The following SCRN1 variants were observed in gnomAD, a reference collection of about 807,000 sequenced individuals.
The protein encoded by SCRN1 is secernin-1.
In SCRN1, 19 loss-of-function variants were observed where a neutral mutation model predicts 43.3. The observed-to-expected ratio is 0.44, with a 90% CI of 0.31 to 0.64. SCRN1 has a LOEUF of 0.64. Among genes scored for constraint, SCRN1 ranks in the 30% least tolerant of loss-of-function variants. SCRN1 has a pLI of 0.09. For missense variants in SCRN1, 447 were observed against 524.1 expected (o/e 0.85, Z 1.44); for synonymous variants, 183 against 188.9 (o/e 0.97, Z 0.26).
chr7:29,981,715 C>A (rs1253679495), intron 1 of SCRN1, among the ~76,000 whole-genome samples: 5 of 152,194 alleles, frequency 3.3e-5, no homozygotes, highest in Non-Finnish European at 7.4e-5. Flanking sequence ...ACACTGGGAG[C>A]TTCTGAGGAA....
chr7:29,963,369 T>C (rs1788392226), intron 2 of SCRN1, among the ~76,000 whole-genome samples: 1 of 151,976 alleles, frequency 6.6e-6, no homozygotes, highest in South Asian at 2.1e-4. Context: ...TGTTGAGGCC[T>C]GGAAGGATAA....
At chr7:29,990,264 A>C, upstream of SCRN1, 1 of 1,551,468 alleles carries the variant, frequency 6.4e-7, no homozygotes, top group Non-Finnish European at 8.7e-7. Context: ...ACCCTGTCCC[A>C]GGTACTTGGA....
At position 29,923,748 on chromosome 7, in the gene SCRN1, TG is replaced by T; in HGVS notation, c.*208del. On this transcript the variant is annotated 3_prime_UTR_variant, in exon 8 of 8. Coordinates refer to ENST00000242059, the MANE Select transcript of SCRN1 (RefSeq NM_014766.5). Reference sequence around the variant, plus strand: ...ACCGAACAACAGGCAACGGGATACATGTTACACTGCACAGGAAGGAGACCTA... The same window carrying T: ...ACCGAACAACAGGCAACGGGATACATTTACACTGCACAGGAAGGAGACCTA... 1 of 572,644 alleles carries T rather than the reference TG, an allele frequency of 1.7e-6. No individual in the cohort carries two copies. Among genetic ancestry groups the T allele is most frequent in the South Asian group, 2.2e-5 (1 of 44,700 alleles). The allele number at this position is 572,644 out of a possible 1,614,324, so 35.5% of individuals were successfully genotyped here.
At chr7:29,938,240 A>G (rs1198534428) in intron 5 of SCRN1, among the ~76,000 whole-genome samples, 1 of 152,154 alleles carries the variant, frequency 6.6e-6, no homozygotes, top group African/African-American at 2.4e-5. Flanking sequence ...CATGTTGCCC[A>G]GGCTGCTCTT....
intron 1 of SCRN1, among the ~76,000 whole-genome samples, chr7:29,981,578 TC>T: frequency 6.6e-6 from 1 of 152,308 alleles, no homozygotes; most frequent in Middle Eastern, 3.4e-3. Context: ...TCAAGCTCCT[TC>T]TCCCAGCTTC....
At chr7:29,959,228 C>A (rs900503998) in intron 2 of SCRN1, among the ~76,000 whole-genome samples, 1 of 152,160 alleles carries the variant, frequency 6.6e-6, no homozygotes, top group Non-Finnish European at 1.5e-5. Context: ...GAACACAACC[C>A]TGGCACCACC....
At chr7:29,978,285 G>A (rs1788891832) in intron 1 of SCRN1, among the ~76,000 whole-genome samples, 1 of 152,120 alleles carries the variant, frequency 6.6e-6, no homozygotes, top group Admixed American at 6.5e-5. Context: ...ATTTCCTATG[G>A]ACACTCAAAT....
At chr7:29,977,533 A>G (rs1211080033) in intron 1 of SCRN1, among the ~76,000 whole-genome samples, 1 of 152,250 alleles carries the variant, frequency 6.6e-6, no homozygotes, top group Non-Finnish European at 1.5e-5. Context: ...AAAGTCATCT[A>G]TATAAATTAG....
chr7:29,927,775 G>C (rs1274000947), intron 6 of SCRN1, among the ~76,000 whole-genome samples: 1 of 152,186 alleles, frequency 6.6e-6, no homozygotes, highest in African/African-American at 2.4e-5. Context: ...GGGGCATCTG[G>C]AGCTTGAGGA....
At position 29,969,110 on chromosome 7, in the gene SCRN1, T is replaced by C; in HGVS notation, c.-1-42A>G. 5 of 1,592,432 alleles carry C rather than the reference T, an allele frequency of 3.1e-6. No individual in the cohort carries two copies. The South Asian group carries it at 5.6e-5, about 18-fold the overall frequency. ...AGCAAGAGTGGAAGCAGGCCTCACATGGAACACTCCAACAGTGAGTTCTTC... is the reference window on the plus strand; with the variant it reads ...AGCAAGAGTGGAAGCAGGCCTCACACGGAACACTCCAACAGTGAGTTCTTC... On this transcript the variant is annotated intron_variant, in intron 1 of 7. Coordinates refer to ENST00000242059, the MANE Select transcript of SCRN1 (RefSeq NM_014766.5).
Position 29,955,278 on chromosome 7 carries a change from AT to A in SCRN1, c.241del (p.Met81TrpfsTer10), listed in dbSNP as rs1788096140. 6.2e-7 allele frequency: 1 copy of A among 1,613,918 alleles called. No individual in the cohort carries two copies. The highest frequency in any genetic ancestry group is 1.7e-5 in the Admixed American group (1 of 59,984). On this transcript the variant is annotated frameshift_variant, in exon 3 of 8. Coordinates refer to ENST00000242059, the MANE Select transcript of SCRN1 (RefSeq NM_014766.5). LOFTEE classifies it high-confidence loss of function. ...GCACACTCCATGTTCATTGGCTCCC[AT>A]TTCTGCTCCCCAGAGCCAGGCGGGT... Reference protein sequence around the residue: ...SRPAWLWGAEMGANEHGVCIA... With the variant: ...SRPAWLWGAEXGANEHGVCIA...
At chr7:29,962,181 AATT>A (rs1273889980) in intron 2 of SCRN1, among the ~76,000 whole-genome samples, 2 of 148,382 alleles carry the variant, frequency 1.3e-5, no homozygotes, top group African/African-American at 2.5e-5. Context: ...TAAATAATAT[AATT>A]ATTTACATAT....
intron 6 of SCRN1, among the ~76,000 whole-genome samples, chr7:29,931,175 A>C (rs185463326): frequency 1.3e-5 from 2 of 152,376 alleles, no homozygotes; most frequent in Non-Finnish European, 2.9e-5. Context: ...TGCAAAAAAA[A>C]CTATTTTCCA....
chr7:29,928,799 C>T, intron 6 of SCRN1, among the ~76,000 whole-genome samples: 1 of 152,232 alleles, frequency 6.6e-6, no homozygotes, highest in East Asian at 1.9e-4. Flanking sequence ...CTATACCCCT[C>T]TACTGAGTGT....
chr7:29,930,245 T>A (rs1183229235), intron 6 of SCRN1, among the ~76,000 whole-genome samples: 1 of 152,192 alleles, frequency 6.6e-6, no homozygotes, highest in Non-Finnish European at 1.5e-5. Flanking sequence ...CTGATAATAA[T>A]TGCAATATTA....
At chr7:29,940,278 C>T (rs1194698743) in intron 5 of SCRN1, among the ~76,000 whole-genome samples, 1 of 152,128 alleles carries the variant, frequency 6.6e-6, no homozygotes, top group Non-Finnish European at 1.5e-5. Context: ...AAAAATTATA[C>T]AGGCATCAAA....
chr7:29,981,366 T>C (rs1788988040), intron 1 of SCRN1, among the ~76,000 whole-genome samples: 1 of 152,200 alleles, frequency 6.6e-6, no homozygotes, highest in African/African-American at 2.4e-5. Flanking sequence ...AGAGCTAAGA[T>C]GTCTCAAGGT....
At chr7:29,975,371 C>T (rs192420471) in intron 1 of SCRN1, among the ~76,000 whole-genome samples, 3 of 152,224 alleles carry the variant, frequency 2.0e-5, no homozygotes, top group Non-Finnish European at 4.4e-5. Context: ...CTTTCTGAGC[C>T]GTGGGGACCC....
At position 29,953,076 on chromosome 7, in the gene SCRN1, C is replaced by G. The variant is rs1459191930; in HGVS notation, c.341+2103G>C. 3.3e-5 allele frequency among the ~76,000 whole-genome samples: 5 copies of G among 152,232 alleles called. No individual in the cohort carries two copies. In the East Asian group the frequency reaches 9.6e-4, roughly 29 times the overall value. ...GCCTTGCAGCTTCAGGTCAAATGAA[C>G]CTGCCCCTCAAAGCATTCCCAAATA... On this transcript the variant is annotated intron_variant, in intron 3 of 7. Transcript: ENST00000242059.
Sources: gnomAD v4.1 joint callset for allele counts (sites outside exome capture counted in the v4.1 genomes callset) on GRCh38, gnomAD v4.1.1 for gene constraint, MANE v1.5 for transcripts, NCBI Gene and HGNC (gene_info 2026-07-23, HGNC 2026-07-21) for gene names.